The following GPR158 variants were observed in gnomAD, a reference collection of about 807,000 sequenced individuals.
GPR158 encodes G protein-coupled receptor 158.
GPR158 carries 30 observed loss-of-function variants against 78.2 expected under a neutral mutation model. That is an observed-to-expected ratio of 0.38 (90% CI 0.29 to 0.52). GPR158 has a LOEUF of 0.52. Among genes scored for constraint, GPR158 ranks in the 20% least tolerant of loss-of-function variants. The probability of loss-of-function intolerance (pLI) is 0.83; values close to 1 mark genes in which losing one functional copy is unlikely to be tolerated. For missense variants in GPR158, 1,463 were observed against 1,523.5 expected, an observed-to-expected ratio of 0.96 and a Z score of 0.66; for synonymous variants, 581 against 591.1, an observed-to-expected ratio of 0.98 and a Z score of 0.25.
At chr10:25,282,815 AT>A (rs1854295787) in intron 2 of GPR158, among the ~76,000 whole-genome samples, 1 of 151,936 alleles carries the variant, frequency 6.6e-6, no homozygotes, top group Non-Finnish European at 1.5e-5. Context: ...TCATTTTTCA[AT>A]TGTATTGTTT....
intron 1 of GPR158, among the ~76,000 whole-genome samples, chr10:25,202,919 G>A (rs1172596229): frequency 1.3e-5 from 2 of 152,152 alleles, no homozygotes; most frequent in East Asian, 1.9e-4. Flanking sequence ...AGCACCTGTT[G>A]TTTCCTGACT....
rs1164256316 is a variant in GPR158, at chr10:25,241,749, C to T, written c.1008+20592C>T. Among the ~76,000 whole-genome samples, 3 of 152,076 alleles carry T rather than the reference C, an allele frequency of 2.0e-5. No individual in the cohort carries two copies. The South Asian group carries it at 6.2e-4, about 32-fold the overall frequency. ...TTTACTTTGATACTGAATAAGATAA[C>T]TCTATTCTACTTCCTTATATTGTTA... On this transcript the variant is annotated intron_variant, in intron 2 of 10. Coordinates refer to ENST00000376351, the MANE Select transcript of GPR158 (RefSeq NM_020752.3).
intron 2 of GPR158, among the ~76,000 whole-genome samples, chr10:25,287,862 G>T (rs78560796): frequency 6.6e-6 from 1 of 151,886 alleles, no homozygotes; most frequent in Admixed American, 6.6e-5. Context: ...AACCTTCTGC[G>T]TCCCAAGTAG....
At chr10:25,478,048 T>A (rs2130632272) in intron 5 of GPR158, among the ~76,000 whole-genome samples, 1 of 152,310 alleles carries the variant, frequency 6.6e-6, no homozygotes, top group East Asian at 1.9e-4. Context: ...TGATCATTGG[T>A]GGGAGTGGCT....
At chr10:25,473,382 T>C (rs886867085) in intron 5 of GPR158, among the ~76,000 whole-genome samples, 5 of 152,212 alleles carry the variant, frequency 3.3e-5, no homozygotes, top group Admixed American at 6.5e-5. Flanking sequence ...GATTTTTGCA[T>C]TGATGTTCAT....
At chr10:25,576,818 A>G (rs1837104275) in intron 7 of GPR158, among the ~76,000 whole-genome samples, 1 of 152,186 alleles carries the variant, frequency 6.6e-6, no homozygotes, top group Non-Finnish European at 1.5e-5. Flanking sequence ...TCTCTTAGAA[A>G]ATCAAGACTC....
chr10:25,295,141 G>A (rs185736716), intron 2 of GPR158, among the ~76,000 whole-genome samples: 21 of 152,252 alleles, frequency 1.4e-4, no homozygotes, highest in Non-Finnish European at 1.5e-5. Flanking sequence ...TCCTAGCAGT[G>A]ATTCATAACT....
At chr10:25,517,756 C>T (rs1836201393) in intron 5 of GPR158, among the ~76,000 whole-genome samples, 1 of 151,444 alleles carries the variant, frequency 6.6e-6, no homozygotes, top group African/African-American at 2.4e-5. Flanking sequence ...TTTTGATGTG[C>T]TGCTGGATTC....
chr10:25,514,987 G>A (rs1485664012), intron 5 of GPR158, among the ~76,000 whole-genome samples: 1 of 152,008 alleles, frequency 6.6e-6, no homozygotes, highest in Non-Finnish European at 1.5e-5. Flanking sequence ...TAATGACTAT[G>A]TGCCTAGGTG....
intron 2 of GPR158, among the ~76,000 whole-genome samples, chr10:25,253,021 C>T (rs1240769297): frequency 6.6e-6 from 1 of 152,212 alleles, no homozygotes; most frequent in South Asian, 2.1e-4. Context: ...TCGTGGTGTG[C>T]CGTTTCTTAA....
chr10:25,534,686 G>T lies in GPR158; in HGVS notation c.1405-16290G>T, dbSNP rs185196979. Among the ~76,000 whole-genome samples the T allele has an allele frequency of 8.5e-5, 13 of 152,168 alleles. No individual in the cohort carries two copies. In the East Asian group the frequency reaches 2.5e-3, roughly 29 times the overall value. On this transcript the variant is annotated intron_variant, in intron 5 of 10. Transcript: ENST00000376351. ...GGAGAATCGCTTGAACCCAAGAGGT[G>T]GAGGTTGCAGCGAGCCAACATTGTG... is the stretch of plus-strand genomic sequence containing the variant.
At chr10:25,582,740 A>G (rs1162921536) in intron 7 of GPR158, among the ~76,000 whole-genome samples, 1 of 152,218 alleles carries the variant, frequency 6.6e-6, no homozygotes, top group Non-Finnish European at 1.5e-5. Flanking sequence ...AAGTTCTACA[A>G]TAAAACCTTC....
rs529116672 is a variant in GPR158 at position 25,176,342 on chromosome 10, AG to A, written c.902+26del. On this transcript the variant is annotated intron_variant, in intron 1 of 10. Coordinates refer to ENST00000376351, the MANE Select transcript of GPR158 (RefSeq NM_020752.3). This position sits in a 1 kb window ranked among gnomAD's most constrained non-coding sequence, Gnocchi z 6.3. Reference sequence around the variant, plus strand: ...ATTCAGGTAGGGAGGGCCGGGGGGCAGGGGGGAAGGCAAAAGCGAAGCTTTC... The same window carrying A: ...ATTCAGGTAGGGAGGGCCGGGGGGCAGGGGGAAGGCAAAAGCGAAGCTTTC... The A allele has an allele frequency of 2.9e-4, 446 of 1,533,198 alleles. No homozygotes were observed. In the African/African-American group the frequency reaches 5.4e-3, roughly 19 times the overall value. The allele number at this position is 1,533,198 out of a possible 1,614,324, so 95.0% of individuals were successfully genotyped here. A position where few individuals can be genotyped will look rare whatever the true frequency, so the allele number is the denominator to read the frequency against.
intron 2 of GPR158, among the ~76,000 whole-genome samples, chr10:25,381,377 A>G (rs1834152829): frequency 6.6e-6 from 1 of 152,148 alleles, no homozygotes. Flanking sequence ...AAATCCTTCA[A>G]GATGTTTGGG....
At chr10:25,214,160 A>T (rs1236740961) in intron 1 of GPR158, among the ~76,000 whole-genome samples, 1 of 151,802 alleles carries the variant, frequency 6.6e-6, no homozygotes, top group East Asian at 1.9e-4. Flanking sequence ...ACGCCCCGCT[A>T]ATTTTTTGTA....
chr10:25,453,604 TATGTG>T (rs1835252125), intron 4 of GPR158, among the ~76,000 whole-genome samples: 1 of 152,220 alleles, frequency 6.6e-6, no homozygotes, highest in Admixed American at 6.5e-5. Flanking sequence ...GTATGTGTAT[TATGTG>T]ATGTGAGATA....
chr10:25,199,611 T>G (rs1262607650), intron 1 of GPR158, among the ~76,000 whole-genome samples: 2 of 152,142 alleles, frequency 1.3e-5, no homozygotes, highest in Non-Finnish European at 2.9e-5. Context: ...AATTCCCCCA[T>G]GCTGTTCTCA....
intron 2 of GPR158, among the ~76,000 whole-genome samples, chr10:25,235,809 G>A (rs990478915): frequency 6.7e-5 from 10 of 148,836 alleles, no homozygotes; most frequent in African/African-American, 1.7e-4. Flanking sequence ...CCATTCTCCT[G>A]CCTCAGCCTC....
At chr10:25,290,868 G>A (rs944413184) in intron 2 of GPR158, among the ~76,000 whole-genome samples, 1 of 151,782 alleles carries the variant, frequency 6.6e-6, no homozygotes, top group South Asian at 2.1e-4. Context: ...TGTACTCTAT[G>A]CCTTTGATTG....
Sources: gnomAD v4.1 joint callset for allele counts (sites outside exome capture counted in the v4.1 genomes callset) on GRCh38, gnomAD v4.1.1 for gene constraint, Gnocchi (gnomAD v3.1) non-coding constraint, MANE v1.5 for transcripts, NCBI Gene and HGNC (gene_info 2026-07-23, HGNC 2026-07-21) for gene names.